Variants in SMC1B observed in about 807,000 individuals in gnomAD.
The protein encoded by SMC1B is structural maintenance of chromosomes 1B, also known as structural maintenance of chromosomes protein 1B.
Under a neutral mutation model 157.9 loss-of-function variants are expected in SMC1B, and 60 were observed. The ratio of observed to expected loss-of-function variants is 0.38; its 90% CI spans 0.31 to 0.47. The LOEUF is 0.47. Among genes scored for constraint, SMC1B ranks in the 20% least tolerant of loss-of-function variants. SMC1B has a pLI of 0.99. For synonymous variants in SMC1B, 445 were observed against 483.0 expected, an observed-to-expected ratio of 0.92 and a Z score of 1.03; for missense variants, 1,165 against 1,426.2, an observed-to-expected ratio of 0.82 and a Z score of 2.95.
intron 15 of SMC1B, among the ~76,000 whole-genome samples, chr22:45,368,541 C>T (rs1444513043): frequency 6.1e-5 from 9 of 148,520 alleles, no homozygotes; most frequent in Admixed American, 6.7e-5. Flanking sequence ...TTTCTGAGAC[C>T]GAGTCTCGCT....
At position 45,399,185 on chromosome 22, in the gene SMC1B, A is replaced by C. The variant is rs757195221; in HGVS notation, c.1023T>G (p.Ala341=). The change falls in exon 6 of 25, where the codon GCT becomes GCG. Residue 341 remains alanine, a synonymous_variant. Transcript: ENST00000357450. Reference sequence around the variant, plus strand: ...AACTTCTCCATGCAGCATCTAAATCAGCCAGCTCTGTCTCCAGGGCTTTTA... The same window carrying C: ...AACTTCTCCATGCAGCATCTAAATCCGCCAGCTCTGTCTCCAGGGCTTTTA... The part of the protein sequence containing the change: ...DDIKALETEL[A]DLDAAWRSFE... 1 of 1,614,048 alleles carries C rather than the reference A, an allele frequency of 6.2e-7. No individual in the cohort carries two copies. Among genetic ancestry groups the C allele is most frequent in the Non-Finnish European group, 8.5e-7 (1 of 1,179,952 alleles).
chr22:45,389,350 G>A (rs2087030290), intron 10 of SMC1B, among the ~76,000 whole-genome samples: 2 of 152,138 alleles, frequency 1.3e-5, no homozygotes, highest in African/African-American at 4.8e-5. Context: ...ATTTACAATT[G>A]AGGCTGAGTT....
chr22:45,406,409 T>C, intron 4 of SMC1B, 51 bp downstream of exon 4: 6 of 1,494,310 alleles, frequency 4.0e-6, no homozygotes, highest in Middle Eastern at 1.8e-4. Flanking sequence ...GATTCTAACA[T>C]AGAAAGTTTT....
At chr22:45,366,306 C>T (rs929626142) in intron 15 of SMC1B, among the ~76,000 whole-genome samples, 4 of 152,104 alleles carry the variant, frequency 2.6e-5, no homozygotes, top group Non-Finnish European at 5.9e-5. Flanking sequence ...TTACAGGTGT[C>T]AGCTACCATG....
intron 9 of SMC1B, among the ~76,000 whole-genome samples, chr22:45,391,457 C>A (rs578159799): frequency 6.6e-6 from 1 of 152,222 alleles, no homozygotes; most frequent in South Asian, 2.1e-4. Flanking sequence ...GGCTCTTTGA[C>A]TTCTAAATGT....
At chr22:45,363,272 T>G (rs938154759) in intron 15 of SMC1B, among the ~76,000 whole-genome samples, 1 of 152,264 alleles carries the variant, frequency 6.6e-6, no homozygotes. Context: ...ATTTCACCTG[T>G]AAGTATTTTT....
chr22:45,379,907 A>G (rs1275487511), intron 12 of SMC1B, among the ~76,000 whole-genome samples: 2 of 151,276 alleles, frequency 1.3e-5, no homozygotes, highest in African/African-American at 4.9e-5. Context: ...TAATTTTTGT[A>G]TTTTTAGTAG....
chr22:45,346,447 A>C (rs2086553005), intron 23 of SMC1B, among the ~76,000 whole-genome samples: 1 of 152,196 alleles, frequency 6.6e-6, no homozygotes, highest in Non-Finnish European at 1.5e-5. Flanking sequence ...GATAAACCCC[A>C]AGAAGAGAAA....
intron 15 of SMC1B, among the ~76,000 whole-genome samples, chr22:45,368,284 AGATTTCCTGAT>A (rs887252232): frequency 1.1e-4 from 16 of 152,228 alleles, no homozygotes; most frequent in African/African-American, 3.9e-4. Flanking sequence ...ATTAAACAAT[AGATTTCCTGAT>A]ACAGAACCAT....
intron 14 of SMC1B, 49 bp from the exon 15 acceptor site, chr22:45,370,109 T>TG: frequency 9.5e-7 from 1 of 1,050,798 alleles, no homozygotes; most frequent in Non-Finnish European, 1.4e-6. Flanking sequence ...TTTTAAGAAA[T>TG]ATATAATCTT....
Position 45,399,247 on chromosome 22 carries a change from C to G in SMC1B, c.961G>C (p.Asp321His), listed in dbSNP as rs1048586219. 1 of 1,613,896 alleles carries G rather than the reference C, an allele frequency of 6.2e-7. No individual in the cohort carries two copies. Among genetic ancestry groups the G allele is most frequent in the Non-Finnish European group, 8.5e-7 (1 of 1,179,984 alleles). ...KLDVAKKSIK[D>H]SEKQCSKQED... is the part of the protein sequence containing the mutation. ...TGTTTAGAACATTGTTTTTCGCTGTCCTTTATTGATTTCTTAGCCACATCT... is the reference window on the plus strand; with the variant it reads ...TGTTTAGAACATTGTTTTTCGCTGTGCTTTATTGATTTCTTAGCCACATCT... Residue 321 changes from aspartate (D) to histidine (H), a missense_variant, in exon 6 of 25, where the codon GAC (aspartate) becomes CAC (histidine). Coordinates refer to ENST00000357450, the MANE Select transcript of SMC1B (RefSeq NM_148674.5).
At chr22:45,386,344 T>C (rs1239878891) in intron 11 of SMC1B, among the ~76,000 whole-genome samples, 1 of 152,068 alleles carries the variant, frequency 6.6e-6, no homozygotes, top group Non-Finnish European at 1.5e-5. Context: ...AGTAAAATAG[T>C]ACTTATTTTT....
rs2086528758 is a variant in SMC1B at position 45,344,365 on chromosome 22, T to A, written c.*191A>T. On this transcript the variant is annotated 3_prime_UTR_variant, in exon 25 of 25. Transcript: ENST00000357450. The stretch of plus-strand genomic sequence containing the variant: ...TTTGACACCAGCTCTCACTGAAAAC[T>A]TTCCCTACTAGAATGAGGTCTGAAC... The A allele has an allele frequency of 1.2e-5, 5 of 408,696 alleles. No homozygotes were observed. In the South Asian group the frequency reaches 3.3e-4, roughly 27 times the overall value. The allele number at this position is 408,696 out of a possible 1,614,324, so 25.3% of individuals were successfully genotyped here.
chr22:45,411,579 T>C (rs2087334145), intron 1 of SMC1B, among the ~76,000 whole-genome samples: 1 of 152,164 alleles, frequency 6.6e-6, no homozygotes, highest in Non-Finnish European at 1.5e-5. Flanking sequence ...TATTTATTTA[T>C]TTATTTTTAC....
intron 12 of SMC1B, among the ~76,000 whole-genome samples, chr22:45,375,324 G>A (rs936252641): frequency 6.6e-6 from 1 of 152,070 alleles, no homozygotes; most frequent in Non-Finnish European, 1.5e-5. Flanking sequence ...TATGTTGATC[G>A]ATGTCTCATT....
intron 15 of SMC1B, among the ~76,000 whole-genome samples, chr22:45,366,125 G>C (rs2086773550): frequency 6.6e-6 from 1 of 152,178 alleles, no homozygotes; most frequent in Admixed American, 6.5e-5. Flanking sequence ...CCAGGTTCAA[G>C]CAATTCTCTT....
chr22:45,391,339 T>G (rs1195361899), intron 9 of SMC1B, among the ~76,000 whole-genome samples: 1 of 152,224 alleles, frequency 6.6e-6, no homozygotes, highest in Non-Finnish European at 1.5e-5. Flanking sequence ...CTTTTTATCT[T>G]ATTGTTTTAC....
In SMC1B at chr22:45,406,842, T is replaced by C. The variant is rs2087267107; in HGVS notation, c.322A>G (p.Asn108Asp). 1 of 1,572,612 alleles carries C rather than the reference T, an allele frequency of 6.4e-7. No homozygotes were observed. The highest frequency in any genetic ancestry group is 1.4e-5 in the African/African-American group (1 of 72,800). The change falls in exon 3 of 25, where the codon AAT becomes GAT. Residue 108 changes from asparagine to aspartate, a missense_variant. Asn to Asp is a conservative substitution (Grantham distance 23, BLOSUM62 1). Coordinates refer to ENST00000357450, the MANE Select transcript of SMC1B (RefSeq NM_148674.5). Reference sequence around the variant, plus strand: ...ACAGAACGACTCACAAGATTATCATTAAAGCGAAATTCTGAGCATCCCCCT... The same window carrying C: ...ACAGAACGACTCACAAGATTATCATCAAAGCGAAATTCTGAGCATCCCCCT... ...IRGGCSEFRFNDNLVSRSVYI... is the reference protein window; with the variant it reads ...IRGGCSEFRFDDNLVSRSVYI...
intron 4 of SMC1B, among the ~76,000 whole-genome samples, chr22:45,403,020 G>A (rs1438733531): frequency 1.3e-5 from 2 of 152,170 alleles, no homozygotes; most frequent in African/African-American, 4.8e-5. Flanking sequence ...CTCTTACAGT[G>A]CTAAATTATA....
Sources: gnomAD v4.1 joint callset for allele counts (sites outside exome capture counted in the v4.1 genomes callset) on GRCh38, gnomAD v4.1.1 for gene constraint, MANE v1.5 for transcripts, NCBI Gene and HGNC (gene_info 2026-07-23, HGNC 2026-07-21) for gene names.